Variants in ZNF431 observed in about 807,000 individuals in gnomAD.
The protein encoded by ZNF431 is zinc finger protein 431.
A neutral mutation model predicts 57.0 loss-of-function variants in ZNF431; 34 were observed. The observed-to-expected ratio is 0.60, with a 90% confidence interval of 0.45 to 0.79. The LOEUF is 0.79. Among genes scored for constraint, ZNF431 ranks in the 30% least tolerant of loss-of-function variants. ZNF431 has a pLI of 0.00. For synonymous variants in ZNF431, 207 were observed against 220.3 expected (o/e 0.94, Z 0.54); for missense variants, 607 against 667.1 (o/e 0.91, Z 0.99).
In ZNF431 at chr19:21,143,460, T is replaced by G. The variant is rs1599569059; in HGVS notation, c.4-91T>G. The G allele has an allele frequency of 9.8e-6, 10 of 1,016,898 alleles. No individual in the cohort carries two copies. The East Asian group carries it at 2.4e-4, about 24-fold the overall frequency. 63.0% of individuals were successfully genotyped at this position (1,016,898 alleles called of 1,614,324 possible). A position where few individuals can be genotyped will look rare whatever the true frequency, so the allele number is the denominator to read the frequency against. On this transcript the variant is annotated intron_variant, in intron 1 of 4. Transcript: ENST00000311048. Reference sequence around the variant, plus strand: ...GTTTTTTTCTGGTCGTGGGTTTCAGTGCTGTCTGGGGATGAACTAAGATAT... The same window carrying G: ...GTTTTTTTCTGGTCGTGGGTTTCAGGGCTGTCTGGGGATGAACTAAGATAT...
At chr19:21,173,517 A>G (rs1970966360) in intron 4 of ZNF431, among the ~76,000 whole-genome samples, 1 of 151,966 alleles carries the variant, frequency 6.6e-6, no homozygotes, top group South Asian at 2.1e-4. Flanking sequence ...TTATTTCTTT[A>G]TTATTTTTTA....
At chr19:21,156,896 C>T (rs1313667829) in intron 2 of ZNF431, among the ~76,000 whole-genome samples, 1 of 152,020 alleles carries the variant, frequency 6.6e-6, no homozygotes, top group African/African-American at 2.4e-5. Flanking sequence ...TACTTCAGCC[C>T]CCAAAGTAGC....
At chr19:21,148,173 CTT>C (rs1214285185) in intron 2 of ZNF431, among the ~76,000 whole-genome samples, 4 of 151,748 alleles carry the variant, frequency 2.6e-5, no homozygotes, top group African/African-American at 9.7e-5. Flanking sequence ...TTTTTTGTAT[CTT>C]TAGTAGAGAC....
Position 21,166,502 on chromosome 19 carries a change from A to T in ZNF431, c.223+41A>T. ...ATACACAATTCTTAATATGCCCTAA[A>T]TGTTTCATGTCTCTTTTTTTGTAGA... is the stretch of plus-strand genomic sequence containing the variant. On this transcript the variant is annotated intron_variant, in intron 3 of 4. Coordinates refer to ENST00000311048, the MANE Select transcript of ZNF431 (RefSeq NM_133473.4). The T allele has an allele frequency of 3.2e-6, 5 of 1,551,176 alleles. No individual in the cohort carries two copies. In the South Asian group the frequency reaches 6.2e-5, roughly 19 times the overall value.
chr19:21,155,872 G>A (rs1438933626), intron 2 of ZNF431, among the ~76,000 whole-genome samples: 1 of 152,118 alleles, frequency 6.6e-6, no homozygotes, highest in African/African-American at 2.4e-5. Flanking sequence ...TCTGCAAATG[G>A]GAGGCTCTTC....
intron 4 of ZNF431, among the ~76,000 whole-genome samples, chr19:21,181,290 AC>A (rs1368905151): frequency 6.6e-6 from 1 of 152,076 alleles, no homozygotes. Flanking sequence ...AAGCCAATGT[AC>A]TTTTTCAGTA....
At chr19:21,160,325 A>T (rs1970537691) in intron 2 of ZNF431, among the ~76,000 whole-genome samples, 2 of 152,168 alleles carry the variant, frequency 1.3e-5, no homozygotes, top group Non-Finnish European at 1.5e-5. Flanking sequence ...CTCCAGGTGT[A>T]AATAGAGTCT....
chr19:21,174,543 T>C (rs1306221650), intron 4 of ZNF431, among the ~76,000 whole-genome samples: 4 of 152,190 alleles, frequency 2.6e-5, no homozygotes, highest in Non-Finnish European at 5.9e-5. Context: ...TATGCTGTTA[T>C]ATACAAGCAT....
intron 4 of ZNF431, among the ~76,000 whole-genome samples, chr19:21,167,983 C>T (rs1022405659): frequency 2.4e-4 from 36 of 151,934 alleles, no homozygotes; most frequent in African/African-American, 6.8e-4. Context: ...TTTTGGGGGA[C>T]GCACAAATAT....
intron 2 of ZNF431, chr19:21,150,420 C>T (rs1387806314): frequency 1.1e-5 from 3 of 268,390 alleles, no homozygotes; most frequent in Non-Finnish European, 2.2e-5. Flanking sequence ...TTCCCCTAGG[C>T]CTTCTTTCCT....
chr19:21,160,145 G>A (rs902506854), intron 2 of ZNF431, among the ~76,000 whole-genome samples: 1 of 151,886 alleles, frequency 6.6e-6, no homozygotes. Context: ...CTTCTGCCTG[G>A]GATTCACAAG....
At chr19:21,154,314 C>G (rs1970360162) in intron 2 of ZNF431, among the ~76,000 whole-genome samples, 1 of 152,124 alleles carries the variant, frequency 6.6e-6, no homozygotes, top group Non-Finnish European at 1.5e-5. Flanking sequence ...ATGATGGTTT[C>G]CAACTTCATC....
At chr19:21,145,321 A>G (rs1189144538) in intron 2 of ZNF431, among the ~76,000 whole-genome samples, 4 of 152,106 alleles carry the variant, frequency 2.6e-5, no homozygotes, top group Admixed American at 1.3e-4. Flanking sequence ...TAAAAATACA[A>G]AAAAATTAGC....
At chr19:21,147,852 T>TA (rs1466455144) in intron 2 of ZNF431, among the ~76,000 whole-genome samples, 1 of 152,174 alleles carries the variant, frequency 6.6e-6, no homozygotes, top group African/African-American at 2.4e-5. Context: ...ATAACATATT[T>TA]ACACAAATAT....
At chr19:21,179,638 C>G (rs1971159021) in intron 4 of ZNF431, among the ~76,000 whole-genome samples, 2 of 150,832 alleles carry the variant, frequency 1.3e-5, no homozygotes, top group Non-Finnish European at 3.0e-5. Context: ...CGGCTCACTG[C>G]AACCTCCGCC....
intron 4 of ZNF431, among the ~76,000 whole-genome samples, chr19:21,180,663 T>G (rs1003279628): frequency 2.0e-5 from 3 of 152,072 alleles, no homozygotes; most frequent in Non-Finnish European, 4.4e-5. Flanking sequence ...AAAAATGAAC[T>G]TCAGGCCAGG....
intron 4 of ZNF431, among the ~76,000 whole-genome samples, chr19:21,176,978 G>A (rs1476249592): frequency 3.4e-5 from 5 of 146,148 alleles, no homozygotes; most frequent in African/African-American, 1.1e-4. Flanking sequence ...GGTTACAGGC[G>A]TGAGCCACCA....
In ZNF431 at chr19:21,146,987, A is replaced by C. The variant is rs192541617; in HGVS notation, c.96+3344A>C. 2.1e-3 allele frequency among the ~76,000 whole-genome samples: 324 copies of C among 152,298 alleles called. 1 individual carries two copies. The highest frequency in any genetic ancestry group is 3.4e-3 in the Middle Eastern group (1 of 294). ...GGGGTGATGATATTTTTGCCTAACT[A>C]TTCAGTTTTCTTGACCCTGAAACAA... On this transcript the variant is annotated intron_variant, in intron 2 of 4. Coordinates refer to ENST00000311048, the MANE Select transcript of ZNF431 (RefSeq NM_133473.4).
chr19:21,166,217 A>G, intron 2 of ZNF431, 118 bp from the exon 3 acceptor site: 1 of 1,416,936 alleles, frequency 7.1e-7, no homozygotes, highest in Non-Finnish European at 9.4e-7. Flanking sequence ...AATTTCAGTT[A>G]TTCTTATAAG....
Sources: gnomAD v4.1 joint callset for allele counts (sites outside exome capture counted in the v4.1 genomes callset) on GRCh38, gnomAD v4.1.1 for gene constraint, MANE v1.5 for transcripts, NCBI Gene and HGNC (gene_info 2026-07-23, HGNC 2026-07-21) for gene names.